The following HSPA2 variants were observed in gnomAD, a reference collection of about 807,000 sequenced individuals.
HSPA2 encodes heat shock-related 70 kDa protein 2.
In HSPA2, 13 loss-of-function variants were observed where a neutral mutation model predicts 35.0. The observed-to-expected ratio is 0.37, with a 90% CI of 0.24 to 0.59. The LOEUF is 0.59. Ranked by LOEUF, HSPA2 falls within the 20% of genes least tolerant of loss-of-function variation. The pLI is 0.70. For missense variants in HSPA2, 565 were observed against 885.4 expected (o/e 0.64, Z 4.59); for synonymous variants, 368 against 382.1 (o/e 0.96, Z 0.43).
upstream of HSPA2, among the ~76,000 whole-genome samples, chr14:64,536,844 T>C (rs953865152): frequency 2.6e-5 from 4 of 152,134 alleles, no homozygotes; most frequent in Non-Finnish European, 4.4e-5. Flanking sequence ...AAAACACAAG[T>C]TAGGGCAGAA....
upstream of HSPA2, among the ~76,000 whole-genome samples, chr14:64,540,117 C>G (rs921667551): frequency 6.6e-6 from 1 of 152,170 alleles, no homozygotes; most frequent in African/African-American, 2.4e-5. Flanking sequence ...CCCTCACCCC[C>G]CACCCCAGCC....
chr14:64,541,047 C>T lies in HSPA2; in HGVS notation c.198C>T (p.Asn66=), dbSNP rs1418041693. 1.9e-6 allele frequency: 3 copies of T among 1,614,116 alleles called. No homozygotes were observed. The highest frequency in any genetic ancestry group is 1.7e-6 in the Non-Finnish European group (2 of 1,180,052). The change falls in exon 1 of 1, where the codon AAC becomes AAT. Residue 66 remains asparagine (N), a synonymous_variant. Transcript: ENST00000247207. The part of the protein sequence containing the change: ...AKNQVAMNPT[N]TIFDAKRLIG... ...ACCAGGTGGCCATGAACCCCACCAACACCATCTTCGACGCCAAGAGGCTGA... is the reference window on the plus strand; with the variant it reads ...ACCAGGTGGCCATGAACCCCACCAATACCATCTTCGACGCCAAGAGGCTGA...
At position 64,540,925 on chromosome 14, in the gene HSPA2, A is replaced by G. The variant is rs749010447; in HGVS notation, c.76A>G (p.Lys26Glu). 5 of 1,614,098 alleles carry G rather than the reference A, an allele frequency of 3.1e-6. No individual in the cohort carries two copies. The highest frequency in any genetic ancestry group is 2.5e-6 in the Non-Finnish European group (3 of 1,180,040). The change falls in exon 1 of 1, where the codon AAG (lysine) becomes GAG (glutamate). Residue 26 changes from lysine to glutamate, a missense_variant. By Grantham distance (56) the Lys-to-Glu change is moderately conservative. Around this residue, in one of 4 missense-constraint regions of HSPA2, gnomAD observed 183 missense variants for 281.6 expected, o/e 0.65. Transcript: ENST00000247207. The stretch of plus-strand genomic sequence containing the variant: ...GTGCGTCGGGGTCTTCCAACATGGC[A>G]AGGTGGAGATCATCGCCAACGACCA... ...YSCVGVFQHG[K>E]VEIIANDQGN...
upstream of HSPA2, among the ~76,000 whole-genome samples, chr14:64,537,404 A>C (rs1460912426): frequency 6.6e-6 from 1 of 152,096 alleles, no homozygotes; most frequent in Non-Finnish European, 1.5e-5. Flanking sequence ...ACAGCCTGGC[A>C]AACATGGTGA....
rs1338742017 is a variant in HSPA2 at position 64,541,803 on chromosome 14, G to C, written c.954G>C (p.Glu318Asp). 6.2e-7 allele frequency: 1 copy of C among 1,613,570 alleles called. No individual in the cohort carries two copies. The highest frequency in any genetic ancestry group is 8.5e-7 in the Non-Finnish European group (1 of 1,180,038). ...LNADLFRGTL[E>D]PVEKALRDAK... ...CCGACCTCTTTCGCGGGACCCTGGAGCCGGTGGAGAAGGCGCTGCGCGACG... is the reference window on the plus strand; with the variant it reads ...CCGACCTCTTTCGCGGGACCCTGGACCCGGTGGAGAAGGCGCTGCGCGACG... Residue 318 changes from glutamate to aspartate, a missense_variant, in exon 1 of 1, where the codon GAG (glutamate) becomes GAC (aspartate). By Grantham distance (45) the Glu-to-Asp change is conservative. Coordinates refer to ENST00000247207, the MANE Select transcript of HSPA2 (RefSeq NM_021979.4).
upstream of HSPA2, among the ~76,000 whole-genome samples, chr14:64,539,497 T>G (rs2140202068): frequency 6.6e-6 from 1 of 151,506 alleles, no homozygotes; most frequent in African/African-American, 2.4e-5. Context: ...GAAACCAGAG[T>G]TTAAAGCGGC....
Position 64,541,530 on chromosome 14 carries a change from C to T in HSPA2, c.681C>T (p.Gly227=), listed in dbSNP as rs1596713967. 1 of 1,609,022 alleles carries T rather than the reference C, an allele frequency of 6.2e-7. No homozygotes were observed. Residue 227 remains glycine (G), a synonymous_variant, in exon 1 of 1, where the codon GGC becomes GGT. Transcript: ENST00000247207. ...TCTTCGAGGTGAAGTCCACGGCCGG[C>T]GACACCCACCTGGGCGGTGAGGACT... ...DGIFEVKSTA[G]DTHLGGEDFD... is the part of the protein sequence containing the mutation.
rs35270454 is a variant in HSPA2, at chr14:64,542,816, C to CT, written c.*56dup. On this transcript the variant is annotated 3_prime_UTR_variant, in exon 1 of 1. Coordinates refer to ENST00000247207, the MANE Select transcript of HSPA2 (RefSeq NM_021979.4). This position sits in a 1 kb window ranked among gnomAD's most constrained non-coding sequence, Gnocchi z 5.7. ...AACCTCTTTGCCTTTCTCTCTCTCT[C>CT]TTTTTTTTTGTTTGTTTCTTTGAAA... is the stretch of plus-strand genomic sequence containing the variant. 921,091 of 1,392,492 alleles carry CT rather than the reference C, an allele frequency of 0.66. 296,070 individuals are homozygous for CT. The highest frequency in any genetic ancestry group is 0.84 in the East Asian group (30,564 of 36,530). The allele number at this position is 1,392,492 out of a possible 1,614,324, so 86.3% of individuals were successfully genotyped here. A position where few individuals can be genotyped will look rare whatever the true frequency, so the allele number is the denominator to read the frequency against.
At chr14:64,540,292 G>C (rs1236998906), upstream of HSPA2, 1 of 169,434 alleles carries the variant, frequency 5.9e-6, no homozygotes, top group African/African-American at 2.4e-5. Flanking sequence ...GGAATTGAGC[G>C]AACTCTCCCA....
chr14:64,539,583 C>A (rs1464765877), upstream of HSPA2, among the ~76,000 whole-genome samples: 1 of 152,260 alleles, frequency 6.6e-6, no homozygotes, highest in Non-Finnish European at 1.5e-5. Context: ...GTCGCCGCCA[C>A]ACCCCTGTCT....
chr14:64,538,528 T>C (rs1433057881), upstream of HSPA2, among the ~76,000 whole-genome samples: 1 of 152,240 alleles, frequency 6.6e-6, no homozygotes, highest in East Asian at 1.9e-4. Context: ...AAGAATGGCT[T>C]TCCTACTCTT....
chr14:64,541,565 G>A lies in HSPA2; in HGVS notation c.716G>A (p.Arg239His). ...CTGGGCGGTGAGGACTTCGACAACCGCATGGTGAGCCACCTGGCGGAGGAG... is the reference window on the plus strand; with the variant it reads ...CTGGGCGGTGAGGACTTCGACAACCACATGGTGAGCCACCTGGCGGAGGAG... The part of the protein sequence containing the change: ...THLGGEDFDN[R>H]MVSHLAEEFK... Residue 239 changes from arginine (R) to histidine (H), a missense_variant, in exon 1 of 1, where the codon CGC becomes CAC. By Grantham distance (29) the Arg-to-His change is conservative. Transcript: ENST00000247207. 1 of 1,612,756 alleles carries A rather than the reference G, an allele frequency of 6.2e-7. No individual in the cohort carries two copies.
chr14:64,542,577 G>GT lies in HSPA2; in HGVS notation c.1729dup (p.Cys577LeufsTer18). The GT allele has an allele frequency of 1.2e-6, 2 of 1,613,838 alleles. No individual in the cohort carries two copies. Among genetic ancestry groups the GT allele is most frequent in the South Asian group, 2.2e-5 (2 of 91,076 alleles). ...AGGACAAAAACAAGATCCTCGACAAGTGTCAGGAGGTGATCAACTGGCTCG... is the reference window on the plus strand; with the variant it reads ...AGGACAAAAACAAGATCCTCGACAAGTTGTCAGGAGGTGATCAACTGGCTCG... On this transcript the variant is annotated frameshift_variant, in exon 1 of 1. Coordinates refer to ENST00000247207, the MANE Select transcript of HSPA2 (RefSeq NM_021979.4). LOFTEE classifies it high-confidence loss of function. This position sits in a 1 kb window ranked among gnomAD's most constrained non-coding sequence, Gnocchi z 5.7.
At chr14:64,537,034 A>G (rs1164533207), upstream of HSPA2, among the ~76,000 whole-genome samples, 1 of 152,200 alleles carries the variant, frequency 6.6e-6, no homozygotes, top group Admixed American at 6.5e-5. Context: ...TAGTGATTCT[A>G]TGTGAGAACT....
rs1356948055 is a variant in HSPA2 at position 64,541,395 on chromosome 14, C to A, written c.546C>A (p.Ile182=). The A allele has an allele frequency of 6.2e-7, 1 of 1,613,272 alleles. No homozygotes were observed. The highest frequency in any genetic ancestry group is 8.5e-7 in the Non-Finnish European group (1 of 1,179,706). ...TCAACGAGCCCACGGCGGCGGCCAT[C>A]GCCTACGGCCTGGACAAGAAGGGCT... ...RIINEPTAAA[I]AYGLDKKGCA... is the part of the protein sequence containing the mutation. The change falls in exon 1 of 1, where the codon ATC becomes ATA. Residue 182 remains isoleucine, a synonymous_variant. Transcript: ENST00000247207.
chr14:64,537,778 A>G (rs1344170515), upstream of HSPA2, among the ~76,000 whole-genome samples: 28 of 127,300 alleles, frequency 2.2e-4, no homozygotes, highest in Non-Finnish European at 2.9e-4. Flanking sequence ...CCCAGGCTGG[A>G]GTGCAGTGGC....
In HSPA2 at chr14:64,542,462, G is replaced by T. The variant is rs775467719; in HGVS notation, c.1613G>T (p.Arg538Leu). The change falls in exon 1 of 1, where the codon CGA becomes CTA. Residue 538 changes from arginine (R) to leucine (L), a missense_variant. By Grantham distance (102) the Arg-to-Leu change is moderately radical (BLOSUM62 -2). Around this residue, in one of 4 missense-constraint regions of HSPA2, gnomAD observed 147 missense variants for 166.7 expected, o/e 0.88. Coordinates refer to ENST00000247207, the MANE Select transcript of HSPA2 (RefSeq NM_021979.4). The surrounding 1 kb of genome is among the most constrained non-coding windows in gnomAD (Gnocchi z 5.7). The stretch of plus-strand genomic sequence containing the variant: ...TCGGAAGATGAGGCGAATCGCGACC[G>T]AGTCGCGGCCAAAAACGCCCTGGAG... ...YKSEDEANRD[R>L]VAAKNALESY... 3.7e-6 allele frequency: 6 copies of T among 1,613,684 alleles called. No individual in the cohort carries two copies. In the South Asian group the frequency reaches 5.5e-5, roughly 15 times the overall value.
upstream of HSPA2, among the ~76,000 whole-genome samples, chr14:64,539,845 C>G (rs540325521): frequency 1.3e-5 from 2 of 152,328 alleles, no homozygotes; most frequent in South Asian, 4.1e-4. Context: ...CCACGCCCAG[C>G]TAATTTTTGT....
At chr14:64,540,172 C>G (rs113112382), upstream of HSPA2, 3,766 of 152,912 alleles carry the variant, frequency 0.025, 53 homozygotes, top group Middle Eastern at 0.054. Flanking sequence ...CCGGGGAAAA[C>G]AAGCTGCTCG....
Sources: gnomAD v4.1 joint callset for allele counts (sites outside exome capture counted in the v4.1 genomes callset) on GRCh38, gnomAD v4.1.1 for gene constraint, gnomAD v4.1.1 regional missense constraint, Gnocchi (gnomAD v3.1) non-coding constraint, MANE v1.5 for transcripts, NCBI Gene and HGNC (gene_info 2026-07-23, HGNC 2026-07-21) for gene names.